ETS1: variants seen among roughly 807,000 people sequenced by gnomAD.
The protein encoded by ETS1 is ETS proto-oncogene 1, transcription factor, also known as protein C-ets-1.
In ETS1, 15 loss-of-function variants were observed where a neutral mutation model predicts 58.6. The observed-to-expected ratio is 0.26, with a 90% CI of 0.17 to 0.39. The LOEUF is 0.39. Among genes scored for constraint, ETS1 ranks in the 10% least tolerant of loss-of-function variants. The pLI, the probability that ETS1 is intolerant of heterozygous loss-of-function variation, is 1.00. For synonymous variants in ETS1, 214 were observed against 218.2 expected (o/e 0.98, Z 0.17); for missense variants, 417 against 610.5 (o/e 0.68, Z 3.34).
chr11:128,571,502 A>C (rs1231739055), intron 2 of ETS1, among the ~76,000 whole-genome samples: 46 of 2,888 alleles, frequency 0.016, 8 homozygotes, highest in African/African-American at 0.062. Flanking sequence ...AGACTCCGTC[A>C]AAAAAAAAAA....
chr11:128,471,735 A>G (rs1040976413), intron 8 of ETS1, among the ~76,000 whole-genome samples: 1 of 152,250 alleles, frequency 6.6e-6, no homozygotes, highest in African/African-American at 2.4e-5. Context: ...CTATAAATGT[A>G]CAAAGAAAAA....
At chr11:128,570,115 C>A (rs1036066939) in intron 2 of ETS1, among the ~76,000 whole-genome samples, 15 of 152,082 alleles carry the variant, frequency 9.9e-5, no homozygotes, top group Admixed American at 9.8e-4. Flanking sequence ...TTTTGAGATA[C>A]CCTGCCTAGG....
rs1269557954 is a variant in ETS1, at chr11:128,489,481, T to C, written c.344A>G (p.Gln115Arg). 6 of 1,613,680 alleles carry C rather than the reference T, an allele frequency of 3.7e-6. No individual in the cohort carries two copies. The highest frequency in any genetic ancestry group is 3.3e-5 in the South Asian group (3 of 91,068). Residue 115 changes from glutamine to arginine, a missense_variant, in exon 5 of 10, where the codon CAG (glutamine) becomes CGG (arginine). Around this residue, in one of 4 missense-constraint regions of ETS1, gnomAD observed 132 missense variants for 212.1 expected, o/e 0.62. Coordinates refer to ENST00000392668, the MANE Select transcript of ETS1 (RefSeq NM_001143820.2). ...GTCCCGAACATGGGTTTCTGTCCAC[T>C]GCCGGGGGTCTGAGGAAAGAGATCA... Reference protein sequence around the residue: ...QRLGIPKDPRQWTETHVRDWV... With the variant: ...QRLGIPKDPRRWTETHVRDWV...
At chr11:128,569,318 C>CATTTTTTTTTTTTTTTTTTTTT (rs1459624038) in intron 2 of ETS1, among the ~76,000 whole-genome samples, 1 of 39,462 alleles carries the variant, frequency 2.5e-5, no homozygotes, top group Non-Finnish European at 4.5e-5. Context: ...AGAGTTTCTT[C>CATTTTTTTTTTTTTTTTTTTTT]TTTTTTTTTT....
chr11:128,565,058 A>AAATAAATAAAAAAAAT (rs374454292), intron 2 of ETS1, among the ~76,000 whole-genome samples: 5 of 142,856 alleles, frequency 3.5e-5, no homozygotes, highest in Non-Finnish European at 7.8e-5. Context: ...ATAAATAAAT[A>AAATAAATAAAAAAAAT]AAATAAATGT....
chr11:128,504,535 G>A lies in ETS1; in HGVS notation c.215-13959C>T, dbSNP rs185946290. ...GGAGCCAAGCTCTGCCACTGGTCAG[G>A]GGTCTTACACTATTCCTGGAATACA... is the stretch of plus-strand genomic sequence containing the variant. On this transcript the variant is annotated intron_variant, in intron 3 of 9. Transcript: ENST00000392668. Among the ~76,000 whole-genome samples the A allele has an allele frequency of 9.8e-5, 15 of 152,330 alleles. No homozygotes were observed. The East Asian group carries it at 1.9e-3, about 20-fold the overall frequency.
chr11:128,470,494 A>G (rs1432438968), intron 8 of ETS1, among the ~76,000 whole-genome samples: 1 of 152,198 alleles, frequency 6.6e-6, no homozygotes, highest in Admixed American at 6.5e-5. Context: ...TTTAGTTTAT[A>G]AAAATGTAAA....
Position 128,463,845 on chromosome 11 carries a change from G to A in ETS1, c.1124-218C>T, listed in dbSNP as rs188998477. 1 of 363,134 alleles carries A rather than the reference G, an allele frequency of 2.8e-6. No homozygotes were observed. Among genetic ancestry groups the A allele is most frequent in the Non-Finnish European group, 5.1e-6 (1 of 196,730 alleles). 22.5% of individuals were successfully genotyped at this position (363,134 alleles called of 1,614,324 possible). ...ATAAAACAAAAGCATGGAAGAAAAT[G>A]TGTCAAGTGCTTTATTTTGATTAAC... On this transcript the variant is annotated intron_variant, in intron 8 of 9. Transcript: ENST00000392668. The surrounding 1 kb of genome is among the most constrained non-coding windows in gnomAD (Gnocchi z 4.1).
rs1304837375 is a variant in ETS1, at chr11:128,461,175, C to T, written c.*1186G>A. ...GTGAGGGGGTGCAAAAAATGGAGGA[C>T]TCTTGGAAAATAAGACATAAAAGAA... On this transcript the variant is annotated 3_prime_UTR_variant, in exon 10 of 10. Transcript: ENST00000392668. The T allele has an allele frequency of 6.5e-6, 1 of 152,728 alleles. No individual in the cohort carries two copies. The highest frequency in any genetic ancestry group is 1.5e-5 in the Non-Finnish European group (1 of 68,030). The allele number at this position is 152,728 out of a possible 1,614,324, so 9.5% of individuals were successfully genotyped here.
At chr11:128,522,025 T>C (rs1331923484) in intron 3 of ETS1, 2 of 1,563,954 alleles carry the variant, frequency 1.3e-6, no homozygotes, top group Non-Finnish European at 8.7e-7. Flanking sequence ...TACGGGATGG[T>C]AGCAAGTTTG....
Position 128,462,311 on chromosome 11 carries a change from G to C in ETS1, c.*50C>G. 1 of 1,395,788 alleles carries C rather than the reference G, an allele frequency of 7.2e-7. No individual in the cohort carries two copies. The highest frequency in any genetic ancestry group is 1.0e-6 in the Non-Finnish European group (1 of 987,882). 86.5% of individuals were successfully genotyped at this position (1,395,788 alleles called of 1,614,324 possible). On this transcript the variant is annotated 3_prime_UTR_variant, in exon 10 of 10. Transcript: ENST00000392668. Reference sequence around the variant, plus strand: ...TCAAAATTCAGAGTCCAACCAACACGGCTGTCCTTGGAAGGTCTCAGCAGG... The same window carrying C: ...TCAAAATTCAGAGTCCAACCAACACCGCTGTCCTTGGAAGGTCTCAGCAGG...
chr11:128,460,083 C>T lies in ETS1; in HGVS notation c.*2278G>A, dbSNP rs1861865704. ...TTGCATGTCTGCAAACACACACACA[C>T]ACACACACACACACACACACACACA... is the stretch of plus-strand genomic sequence containing the variant. On this transcript the variant is annotated 3_prime_UTR_variant, in exon 10 of 10. Coordinates refer to ENST00000392668, the MANE Select transcript of ETS1 (RefSeq NM_001143820.2). The T allele has an allele frequency of 7.1e-6, 1 of 141,504 alleles. No individual in the cohort carries two copies. The highest frequency in any genetic ancestry group is 2.5e-5 in the African/African-American group (1 of 39,748). The allele number at this position is 141,504 out of a possible 1,614,324, so 8.8% of individuals were successfully genotyped here. A position where few individuals can be genotyped will look rare whatever the true frequency, so the allele number is the denominator to read the frequency against.
In ETS1 at chr11:128,494,054, TTTTAGAATCAGTGTCTGAAAG is replaced by T. The variant is rs1862874216; in HGVS notation, c.215-3499_215-3479del. Among the ~76,000 whole-genome samples, 11 of 152,356 alleles carry T rather than the reference TTTTAGAATCAGTGTCTGAAAG, an allele frequency of 7.2e-5. No individual in the cohort carries two copies. The South Asian group carries it at 2.3e-3, about 32-fold the overall frequency. ...TACATTAGGTACAAAATATTTCTAA[TTTTAGAATCAGTGTCTGAAAG>T]TTAATCACTACCTCCATAGACATTA... is the stretch of plus-strand genomic sequence containing the variant. On this transcript the variant is annotated intron_variant, in intron 3 of 9. Coordinates refer to ENST00000392668, the MANE Select transcript of ETS1 (RefSeq NM_001143820.2).
chr11:128,564,210 A>T (rs1864452150), intron 2 of ETS1, among the ~76,000 whole-genome samples: 1 of 152,214 alleles, frequency 6.6e-6, no homozygotes, highest in South Asian at 2.1e-4. Flanking sequence ...GAGTTTGCTG[A>T]TCAAGCCTGA....
intron 8 of ETS1, among the ~76,000 whole-genome samples, chr11:128,470,821 T>C (rs765290138): frequency 1.7e-4 from 26 of 152,304 alleles, no homozygotes; most frequent in Non-Finnish European, 3.8e-4. Flanking sequence ...TATACGAATG[T>C]AAAAATTTTT....
chr11:128,508,084 G>C (rs775154890), intron 3 of ETS1, among the ~76,000 whole-genome samples: 1 of 152,198 alleles, frequency 6.6e-6, no homozygotes, highest in Non-Finnish European at 1.5e-5. Flanking sequence ...AGAGGCATTT[G>C]AAAATAATTG....
chr11:128,575,474 G>A (rs80150498), intron 1 of ETS1, among the ~76,000 whole-genome samples: 1 of 151,598 alleles, frequency 6.6e-6, no homozygotes, highest in African/African-American at 2.4e-5. Context: ...TTAGTGGCTT[G>A]TTTATTCATT....
At chr11:128,526,289 A>G (rs1307608928) in intron 3 of ETS1, 1 of 152,976 alleles carries the variant, frequency 6.5e-6, no homozygotes, top group African/African-American at 2.4e-5. Flanking sequence ...TTCTTACTCT[A>G]CCAACTAGCC....
chr11:128,553,736 A>C (rs1321930557), intron 3 of ETS1, among the ~76,000 whole-genome samples: 2 of 151,632 alleles, frequency 1.3e-5, no homozygotes, highest in African/African-American at 4.9e-5. Context: ...CTTCGTGAAT[A>C]GGAACAACAT....
Sources: allele counts gnomAD v4.1 joint callset (sites outside exome capture counted in the v4.1 genomes callset), GRCh38; gene constraint gnomAD v4.1.1; regional missense constraint gnomAD v4.1.1; non-coding constraint Gnocchi (gnomAD v3.1); transcripts MANE v1.5; gene names NCBI Gene and HGNC (gene_info 2026-07-23, HGNC 2026-07-21).